DLG2: variants seen among roughly 807,000 people sequenced by gnomAD.
The protein encoded by DLG2 is disks large homolog 2.
A neutral mutation model predicts 132.5 loss-of-function variants in DLG2; 45 were observed. That is an observed-to-expected ratio of 0.34 (90% confidence interval 0.27 to 0.44). The LOEUF is 0.44. Among genes scored for constraint, DLG2 ranks in the 20% least tolerant of loss-of-function variants. The probability of loss-of-function intolerance (pLI) is 1.00; values close to 1 mark genes in which losing one functional copy is unlikely to be tolerated. For synonymous variants in DLG2, 424 were observed against 419.6 expected (o/e 1.01, Z -0.13); for missense variants, 1,045 against 1,196.9 (o/e 0.87, Z 1.87).
At chr11:84,541,840 A>G (rs2099372907) in intron 6 of DLG2, among the ~76,000 whole-genome samples, 2 of 152,144 alleles carry the variant, frequency 1.3e-5, no homozygotes, top group South Asian at 4.1e-4. Flanking sequence ...AGGCTAAGGA[A>G]GTCTGACCAG....
At chr11:84,358,142 T>C (rs1053319698) in intron 7 of DLG2, among the ~76,000 whole-genome samples, 1 of 152,044 alleles carries the variant, frequency 6.6e-6, no homozygotes, top group African/African-American at 2.4e-5. Context: ...TTTAAACACA[T>C]ACATGTGTGC....
intron 3 of DLG2, among the ~76,000 whole-genome samples, chr11:85,588,697 T>C (rs1257381395): frequency 6.6e-6 from 1 of 152,168 alleles, no homozygotes; most frequent in African/African-American, 2.4e-5. Context: ...GATTTTTTTT[T>C]ATTGGTTTGA....
At chr11:84,438,097 C>CAAGAGGACT (rs1027143932) in intron 7 of DLG2, among the ~76,000 whole-genome samples, 64 of 152,292 alleles carry the variant, frequency 4.2e-4, no homozygotes, top group Non-Finnish European at 5.3e-4. Context: ...TCATATCCTC[C>CAAGAGGACT]AAGAGGACTA....
intron 6 of DLG2, among the ~76,000 whole-genome samples, chr11:84,839,406 T>C (rs2080281656): frequency 6.6e-6 from 1 of 151,938 alleles, no homozygotes; most frequent in South Asian, 2.1e-4. Flanking sequence ...ATCATGAAAA[T>C]GGCCATACTT....
intron 8 of DLG2, among the ~76,000 whole-genome samples, chr11:84,216,532 A>G (rs534323867): frequency 2.8e-4 from 43 of 152,202 alleles, no homozygotes; most frequent in Non-Finnish European, 5.3e-4. Flanking sequence ...CATACTTTCA[A>G]TGGATTTGGG....
intron 18 of DLG2, among the ~76,000 whole-genome samples, chr11:83,704,077 A>AC (rs2083443500): frequency 6.6e-6 from 1 of 152,160 alleles, no homozygotes. Context: ...ATCAATAGTT[A>AC]TTTTTTATTG....
At chr11:85,183,184 T>C (rs898285678) in intron 4 of DLG2, among the ~76,000 whole-genome samples, 1 of 151,960 alleles carries the variant, frequency 6.6e-6, no homozygotes, top group South Asian at 2.1e-4. Context: ...TGATCCAGTA[T>C]GAATGGAATC....
chr11:83,469,968 C>T (rs1424659688), intron 24 of DLG2, among the ~76,000 whole-genome samples: 1 of 152,064 alleles, frequency 6.6e-6, no homozygotes, highest in Non-Finnish European at 1.5e-5. Flanking sequence ...CTAACCATTT[C>T]ACCTAAATTT....
At chr11:84,226,429 C>A (rs1038909003) in intron 8 of DLG2, among the ~76,000 whole-genome samples, 3 of 152,158 alleles carry the variant, frequency 2.0e-5, no homozygotes, top group African/African-American at 7.2e-5. Context: ...ACACAGGACT[C>A]GACTCACACA....
In DLG2 at chr11:84,935,270, A is replaced by C. The variant is rs144178921; in HGVS notation, c.357+176391T>G. 5.2e-3 allele frequency among the ~76,000 whole-genome samples: 794 copies of C among 152,304 alleles called. 6 individuals carry two copies. The highest frequency in any genetic ancestry group is 0.018 in the African/African-American group (744 of 41,576). ...CTTAAATATATTCTTGACCCCTCTAATCCACTTTTGACCCAGATCTATGAA... is the reference window on the plus strand; with the variant it reads ...CTTAAATATATTCTTGACCCCTCTACTCCACTTTTGACCCAGATCTATGAA... On this transcript the variant is annotated intron_variant, in intron 6 of 27. Coordinates refer to ENST00000376104, the MANE Select transcript of DLG2 (RefSeq NM_001142699.3).
intron 7 of DLG2, among the ~76,000 whole-genome samples, chr11:84,411,486 G>C (rs1450451224): frequency 6.6e-6 from 1 of 151,688 alleles, no homozygotes; most frequent in African/African-American, 2.4e-5. Flanking sequence ...GTTGTACACT[G>C]ATTTAATTAA....
rs1012538974 is a variant in DLG2 at position 83,774,554 on chromosome 11, G to A, written c.1825+12136C>T. ...TTGAACATATCTATCCGATTTCACA[G>A]TAGGAATTCTTTTTTTTTTCTTCCT... is the stretch of plus-strand genomic sequence containing the variant. On this transcript the variant is annotated intron_variant, in intron 18 of 27. Transcript: ENST00000376104. Among the ~76,000 whole-genome samples, 3 of 152,138 alleles carry A rather than the reference G, an allele frequency of 2.0e-5. No individual in the cohort carries two copies. In the South Asian group the frequency reaches 6.2e-4, roughly 32 times the overall value.
At chr11:84,889,937 T>C (rs140567872) in intron 6 of DLG2, among the ~76,000 whole-genome samples, 15 of 152,328 alleles carry the variant, frequency 9.8e-5, no homozygotes, top group African/African-American at 3.6e-4. Context: ...CTAATCTGGC[T>C]TTACATTTTC....
chr11:83,970,575 C>A (rs1326459742), intron 12 of DLG2, among the ~76,000 whole-genome samples: 1 of 152,198 alleles, frequency 6.6e-6, no homozygotes, highest in Non-Finnish European at 1.5e-5. Context: ...GTCACGCATA[C>A]TGAAGCTTAG....
At chr11:84,091,455 T>C (rs1404607233) in intron 10 of DLG2, among the ~76,000 whole-genome samples, 2 of 152,186 alleles carry the variant, frequency 1.3e-5, no homozygotes, top group Non-Finnish European at 2.9e-5. Flanking sequence ...TGCTTTTGAT[T>C]GATTGTGCTT....
chr11:83,843,545 G>A (rs932231388), intron 16 of DLG2, among the ~76,000 whole-genome samples: 7 of 152,082 alleles, frequency 4.6e-5, no homozygotes, highest in Non-Finnish European at 1.0e-4. Context: ...CTTGTTTTGT[G>A]TAATTTTGGA....
intron 6 of DLG2, among the ~76,000 whole-genome samples, chr11:84,831,209 G>A (rs1297390862): frequency 6.6e-6 from 1 of 151,472 alleles, no homozygotes; most frequent in Admixed American, 6.6e-5. Context: ...GCAATTTAGA[G>A]AAAGACAGTT....
intron 7 of DLG2, among the ~76,000 whole-genome samples, chr11:84,445,456 CTGCTGCCTATT>C (rs981766472): frequency 6.6e-6 from 1 of 152,176 alleles, no homozygotes; most frequent in Non-Finnish European, 1.5e-5. Flanking sequence ...AGATATTAAC[CTGCTGCCTATT>C]TGCTGCCTGT....
At chr11:85,339,866 G>C (rs2082367462) in intron 3 of DLG2, among the ~76,000 whole-genome samples, 1 of 152,104 alleles carries the variant, frequency 6.6e-6, no homozygotes. Context: ...GACATCTATG[G>C]AGCCAACAGA....
Sources: gnomAD v4.1 joint callset for allele counts (sites outside exome capture counted in the v4.1 genomes callset) on GRCh38, gnomAD v4.1.1 for gene constraint, MANE v1.5 for transcripts, NCBI Gene and HGNC (gene_info 2026-07-23, HGNC 2026-07-21) for gene names.